ABTB2: variants seen among roughly 807,000 people sequenced by gnomAD.
ABTB2 encodes the protein ankyrin repeat and BTB domain containing 2.
In ABTB2, 56 loss-of-function variants were observed where a neutral mutation model predicts 104.1. The observed-to-expected ratio is 0.54, with a 90% CI of 0.43 to 0.67. The LOEUF is 0.67. ABTB2 is among the 30% of genes least tolerant of loss of function. ABTB2 has a pLI of 0.00. For missense variants in ABTB2, 1,279 were observed against 1,407.7 expected (o/e 0.91, Z 1.46); for synonymous variants, 606 against 608.2 (o/e 1.00, Z 0.05).
intron 1 of ABTB2, among the ~76,000 whole-genome samples, chr11:34,225,578 A>G (rs907722105): frequency 1.3e-5 from 2 of 152,000 alleles, no homozygotes; most frequent in Non-Finnish European, 2.9e-5. Context: ...CAACATGGAG[A>G]AACCCCGTCT....
intron 1 of ABTB2, among the ~76,000 whole-genome samples, chr11:34,351,893 T>G (rs1270306051): frequency 6.6e-6 from 1 of 152,058 alleles, no homozygotes; most frequent in Non-Finnish European, 1.5e-5. Context: ...CTTGTTCCTC[T>G]TACTACTTAA....
intron 1 of ABTB2, among the ~76,000 whole-genome samples, chr11:34,210,601 C>T (rs1436040299): frequency 6.6e-6 from 1 of 152,206 alleles, no homozygotes; most frequent in Middle Eastern, 3.2e-3. Context: ...TCTCCCCAGA[C>T]TTGTAAATGT....
At chr11:34,172,110 C>G (rs148357522) in intron 4 of ABTB2, among the ~76,000 whole-genome samples, 1 of 152,022 alleles carries the variant, frequency 6.6e-6, no homozygotes, top group Non-Finnish European at 1.5e-5. Context: ...CAGTGGCTCA[C>G]GCCTGTAATC....
intron 1 of ABTB2, among the ~76,000 whole-genome samples, chr11:34,237,605 G>A (rs542823142): frequency 1.3e-5 from 2 of 152,278 alleles, no homozygotes; most frequent in South Asian, 4.1e-4. Flanking sequence ...GCTGGCTTCA[G>A]TAAGAACCCA....
intron 3 of ABTB2, among the ~76,000 whole-genome samples, chr11:34,174,324 C>CAAAAA (rs545699866): frequency 4.4e-5 from 5 of 114,918 alleles, no homozygotes; most frequent in African/African-American, 1.3e-4. Flanking sequence ...GACTCCGTCT[C>CAAAAA]AAAAAAAAAA....
intron 1 of ABTB2, among the ~76,000 whole-genome samples, chr11:34,314,205 T>G (rs1475862547): frequency 1.3e-5 from 2 of 152,176 alleles, no homozygotes; most frequent in Non-Finnish European, 2.9e-5. Context: ...GAAGGCTGGA[T>G]AGATGGCCAT....
chr11:34,167,107 C>A, intron 7 of ABTB2, 152 bp downstream of exon 7: 2 of 673,552 alleles, frequency 3.0e-6, no homozygotes, highest in Non-Finnish European at 4.9e-6. Flanking sequence ...AGGTGGGCTG[C>A]TGCTCTATCG....
chr11:34,329,468 G>T (rs977141720), intron 1 of ABTB2, among the ~76,000 whole-genome samples: 22 of 152,196 alleles, frequency 1.4e-4, no homozygotes, highest in Admixed American at 1.3e-3. Context: ...CAGGCCATGA[G>T]GGCTCCCAAC....
At chr11:34,166,202 G>T (rs920097908) in intron 7 of ABTB2, among the ~76,000 whole-genome samples, 1 of 152,240 alleles carries the variant, frequency 6.6e-6, no homozygotes, top group East Asian at 1.9e-4. Flanking sequence ...GCAGTCTAGG[G>T]GAGCCCAACC....
intron 16 of ABTB2, among the ~76,000 whole-genome samples, chr11:34,153,385 G>T (rs1206424242): frequency 2.0e-5 from 3 of 152,060 alleles, no homozygotes; most frequent in Admixed American, 6.5e-5. Context: ...GGGGGCGGGG[G>T]TTGTGTTGAG....
chr11:34,204,738 T>C, intron 1 of ABTB2, 48 bp from the exon 2 acceptor site: 1 of 1,575,268 alleles, frequency 6.3e-7, no homozygotes, highest in Non-Finnish European at 8.6e-7. Flanking sequence ...GGAGTGGAAG[T>C]TCAGTGGGCC....
At chr11:34,230,105 G>A (rs1315412316) in intron 1 of ABTB2, among the ~76,000 whole-genome samples, 1 of 152,200 alleles carries the variant, frequency 6.6e-6, no homozygotes, top group East Asian at 1.9e-4. Flanking sequence ...AAGCCTGTAG[G>A]TGGGAGGTGG....
chr11:34,204,465 C>T (rs980886731), intron 2 of ABTB2, 79 bp downstream of exon 2: 14 of 1,467,674 alleles, frequency 9.5e-6, no homozygotes, highest in East Asian at 4.9e-5. Context: ...GAGGAGGAGG[C>T]GAGCTCTCCC....
At chr11:34,297,791 T>C (rs56376818) in intron 1 of ABTB2, among the ~76,000 whole-genome samples, 41,059 of 113,914 alleles carry the variant, frequency 0.36, 9,153 homozygotes, top group African/African-American at 0.54. Context: ...AAAATAAAAA[T>C]AAAGGAAAGA....
At chr11:34,206,448 G>A (rs1164588500) in intron 1 of ABTB2, among the ~76,000 whole-genome samples, 1 of 152,108 alleles carries the variant, frequency 6.6e-6, no homozygotes, top group Non-Finnish European at 1.5e-5. Flanking sequence ...TGAGATACTG[G>A]GCTACTGCCA....
intron 1 of ABTB2, among the ~76,000 whole-genome samples, chr11:34,302,365 C>T (rs187958816): frequency 2.1e-4 from 32 of 152,338 alleles, no homozygotes; most frequent in Admixed American, 2.0e-3. Flanking sequence ...CCTAGCATTG[C>T]TACTAAAATT....
At chr11:34,347,627 G>A (rs146760575) in intron 1 of ABTB2, among the ~76,000 whole-genome samples, 1 of 152,254 alleles carries the variant, frequency 6.6e-6, no homozygotes, top group Admixed American at 6.5e-5. Flanking sequence ...CTAAGCCATT[G>A]ATGACCTATC....
rs372395970 is a variant in ABTB2, at chr11:34,159,329, G to A, written c.2664C>T (p.Ile888=). The change falls in exon 14 of 17, where the codon ATC becomes ATT. Residue 888 remains isoleucine (I), a synonymous_variant. Transcript: ENST00000435224. The part of the protein sequence containing the change: ...SEQDGDSSKT[I]EISDMKYHIF... The stretch of plus-strand genomic sequence containing the variant: ...TGTGGTACTTCATGTCGCTGATCTC[G>A]ATGGTCTTGCTGCTGTCCCCATCCT... The A allele has an allele frequency of 1.7e-4, 281 of 1,613,960 alleles. No homozygotes were observed. Among genetic ancestry groups the A allele is most frequent in the Non-Finnish European group, 2.3e-4 (266 of 1,179,920 alleles).
At chr11:34,275,483 C>G (rs1554988165) in intron 1 of ABTB2, among the ~76,000 whole-genome samples, 1 of 148,864 alleles carries the variant, frequency 6.7e-6, no homozygotes, top group Non-Finnish European at 1.5e-5. Context: ...ACAGGGCTCT[C>G]TTTTTTTTTT....
Sources: gnomAD v4.1 joint callset for allele counts (sites outside exome capture counted in the v4.1 genomes callset) on GRCh38, gnomAD v4.1.1 for gene constraint, MANE v1.5 for transcripts, NCBI Gene and HGNC (gene_info 2026-07-23, HGNC 2026-07-21) for gene names.